KIAA0586: variants seen among roughly 807,000 people sequenced by gnomAD.
KIAA0586 encodes the protein protein TALPID3.
KIAA0586 carries 144 observed loss-of-function variants against 169.8 expected under a neutral mutation model. That is an observed-to-expected ratio of 0.85 (90% CI 0.74 to 0.97). KIAA0586 has a LOEUF of 0.97. KIAA0586 is among the 50% of genes least tolerant of loss of function. The probability of loss-of-function intolerance (pLI) is 0.00; values close to 1 mark genes in which losing one functional copy is unlikely to be tolerated. For synonymous variants in KIAA0586, 625 were observed against 612.4 expected, an observed-to-expected ratio of 1.02 and a Z score of -0.30; for missense variants, 1,854 against 1,823.0, an observed-to-expected ratio of 1.02 and a Z score of -0.31.
chr14:58,467,096 G>A (rs1595226565), intron 15 of KIAA0586, among the ~76,000 whole-genome samples: 1 of 151,930 alleles, frequency 6.6e-6, no homozygotes, highest in African/African-American at 2.4e-5. Flanking sequence ...TTGATATTAT[G>A]GGTTAATTTC....
chr14:58,554,638 G>C (rs145532116), downstream of KIAA0586, among the ~76,000 whole-genome samples: 1 of 152,318 alleles, frequency 6.6e-6, no homozygotes, highest in African/African-American at 2.4e-5. Context: ...GGCTAAGGCA[G>C]ATTAGGGATT....
At chr14:58,449,989 T>C (rs1305419832) in intron 7 of KIAA0586, among the ~76,000 whole-genome samples, 1 of 152,194 alleles carries the variant, frequency 6.6e-6, no homozygotes, top group African/African-American at 2.4e-5. Context: ...TACAACTTTT[T>C]TACTAGCACA....
chr14:58,436,751 T>G (rs2037852981), intron 4 of KIAA0586, among the ~76,000 whole-genome samples: 1 of 152,182 alleles, frequency 6.6e-6, no homozygotes, highest in African/African-American at 2.4e-5. Context: ...CAGTTTGGAA[T>G]AGCTAAGATA....
intron 30 of KIAA0586, among the ~76,000 whole-genome samples, chr14:58,547,226 T>C (rs1184046779): frequency 6.6e-6 from 1 of 152,074 alleles, no homozygotes; most frequent in Non-Finnish European, 1.5e-5. Context: ...GTTTTATTGC[T>C]CTCCTAGCTA....
rs780810159 is a variant in KIAA0586 at position 58,450,600 on chromosome 14, A to G, written c.983A>G (p.Asp328Gly). The G allele has an allele frequency of 1.9e-6, 3 of 1,606,258 alleles. No individual in the cohort carries two copies. The highest frequency in any genetic ancestry group is 2.5e-6 in the Non-Finnish European group (3 of 1,177,590). ...SKQAPLKEVE[D>G]TSFDKQKSPL... ...AAAGCACCTTTAAAAGAAGTTGAAG[A>G]TACGAGTTTTGATAAACAGAAATCT... Residue 328 changes from aspartate to glycine, a missense_variant, in exon 8 of 31, where the codon GAT becomes GGT. Transcript: ENST00000652326.
chr14:58,433,697 T>C (rs1350933655), intron 4 of KIAA0586, among the ~76,000 whole-genome samples: 1 of 152,170 alleles, frequency 6.6e-6, no homozygotes, highest in Non-Finnish European at 1.5e-5. Flanking sequence ...ATTTTAGAAA[T>C]TTAGCAGGAA....
In KIAA0586 at chr14:58,549,499, C is replaced by T. The variant is rs151096205; in HGVS notation, c.*1567C>T. 1 of 152,092 alleles carries T rather than the reference C, an allele frequency of 6.6e-6. No individual in the cohort carries two copies. Among genetic ancestry groups the T allele is most frequent in the Non-Finnish European group, 1.5e-5 (1 of 68,022 alleles). 9.4% of individuals were successfully genotyped at this position (152,092 alleles called of 1,614,324 possible). On this transcript the variant is annotated 3_prime_UTR_variant, in exon 31 of 31. Coordinates refer to ENST00000652326, the MANE Select transcript of KIAA0586 (RefSeq NM_001329943.3). ...GAAGCTGCAAGAGTCTATGGAAACT[C>T]AGAAATGTGTCAGCCTTCCACATGC...
In KIAA0586 at chr14:58,486,506, A is replaced by T. The variant is rs1231319283; in HGVS notation, c.3145-501A>T. On this transcript the variant is annotated intron_variant, in intron 21 of 30. Coordinates refer to ENST00000652326, the MANE Select transcript of KIAA0586 (RefSeq NM_001329943.3). ...GACATACAAGCAGTCAACAAACATG[A>T]AAAAATGCTCATCATCACTAATCAT... Among the ~76,000 whole-genome samples, 10 of 152,194 alleles carry T rather than the reference A, an allele frequency of 6.6e-5. No individual in the cohort carries two copies. The East Asian group carries it at 1.9e-3, about 29-fold the overall frequency.
intron 4 of KIAA0586, among the ~76,000 whole-genome samples, chr14:58,442,299 G>C (rs950159562): frequency 1.3e-5 from 2 of 152,146 alleles, no homozygotes; most frequent in South Asian, 4.1e-4. Flanking sequence ...TAGTAGAGAC[G>C]GGGTTTCGCC....
At chr14:58,522,076 C>G (rs1203856497) in intron 29 of KIAA0586, 1 of 751,644 alleles carries the variant, frequency 1.3e-6, no homozygotes, top group African/African-American at 1.7e-5. Context: ...CAGATCCTCT[C>G]CCATGGTATC....
intron 29 of KIAA0586, among the ~76,000 whole-genome samples, chr14:58,530,002 A>G (rs1198551664): frequency 6.6e-6 from 1 of 152,252 alleles, no homozygotes; most frequent in Non-Finnish European, 1.5e-5. Flanking sequence ...AAGCAACTTC[A>G]GCAAAGTCTC....
At chr14:58,524,848 T>G (rs1332771953) in intron 29 of KIAA0586, among the ~76,000 whole-genome samples, 1 of 152,192 alleles carries the variant, frequency 6.6e-6, no homozygotes, top group Non-Finnish European at 1.5e-5. Flanking sequence ...CCCAAGTAGC[T>G]GGGACTGCAG....
chr14:58,446,411 C>CA (rs889573773), intron 6 of KIAA0586, among the ~76,000 whole-genome samples: 2 of 151,772 alleles, frequency 1.3e-5, no homozygotes, highest in African/African-American at 4.8e-5. Context: ...GCAGGGGAAT[C>CA]ACTTGAATCC....
At chr14:58,493,534 A>C (rs940122514) in intron 26 of KIAA0586, among the ~76,000 whole-genome samples, 4 of 152,124 alleles carry the variant, frequency 2.6e-5, no homozygotes, top group Non-Finnish European at 5.9e-5. Context: ...GGAGATCTGA[A>C]GACTATATAG....
At chr14:58,439,697 G>A (rs1456888690) in intron 4 of KIAA0586, 1 of 227,296 alleles carries the variant, frequency 4.4e-6, no homozygotes, top group African/African-American at 2.3e-5. Flanking sequence ...CGGTAAGCAA[G>A]TAGAGAAGTC....
intron 28 of KIAA0586, among the ~76,000 whole-genome samples, chr14:58,509,028 A>G (rs1386871906): frequency 6.6e-6 from 1 of 152,148 alleles, no homozygotes; most frequent in Non-Finnish European, 1.5e-5. Flanking sequence ...CAGGAGTTTC[A>G]GACCAGCCTG....
intron 4 of KIAA0586, among the ~76,000 whole-genome samples, chr14:58,438,970 G>A (rs778034752): frequency 6.6e-6 from 1 of 152,164 alleles, no homozygotes; most frequent in African/African-American, 2.4e-5. Context: ...AAGTTTCTAA[G>A]CAAGTAGAAA....
At chr14:58,514,694 A>G (rs982576833) in intron 29 of KIAA0586, among the ~76,000 whole-genome samples, 1 of 152,020 alleles carries the variant, frequency 6.6e-6, no homozygotes, top group African/African-American at 2.4e-5. Flanking sequence ...GTTCTGACAA[A>G]TGGTATCTTT....
intron 4 of KIAA0586, among the ~76,000 whole-genome samples, chr14:58,441,672 C>T (rs767945118): frequency 2.8e-4 from 43 of 152,154 alleles, no homozygotes; most frequent in Admixed American, 6.5e-4. Context: ...CTCGCTGTGT[C>T]ACCCAGGCTA....
Sources: gnomAD v4.1 joint callset for allele counts (sites outside exome capture counted in the v4.1 genomes callset) on GRCh38, gnomAD v4.1.1 for gene constraint, MANE v1.5 for transcripts, NCBI Gene and HGNC (gene_info 2026-07-23, HGNC 2026-07-21) for gene names.